The following GABPB1 variants were observed in gnomAD, a reference collection of about 807,000 sequenced individuals.
GABPB1 encodes GA binding protein transcription factor subunit beta 1.
A neutral mutation model predicts 45.9 loss-of-function variants in GABPB1; 15 were observed. The ratio of observed to expected loss-of-function variants is 0.33; its 90% CI spans 0.22 to 0.50. GABPB1 has a LOEUF of 0.50. Ranked by LOEUF, GABPB1 falls within the 20% of genes least tolerant of loss-of-function variation. GABPB1 has a pLI of 0.98. For missense variants in GABPB1, 252 were observed against 457.5 expected (o/e 0.55, Z 4.10); for synonymous variants, 143 against 154.4 (o/e 0.93, Z 0.55).
At position 50,337,475 on chromosome 15, in the gene GABPB1, T is replaced by C. The variant is rs2048191615; in HGVS notation, c.-1+17510A>G. Among the ~76,000 whole-genome samples the C allele has an allele frequency of 5.9e-5, 9 of 152,202 alleles. No individual in the cohort carries two copies. In the South Asian group the frequency reaches 1.9e-3, roughly 32 times the overall value. On this transcript the variant is annotated intron_variant, in intron 1 of 8. Transcript: ENST00000380877. ...AAAGTTTTGAATCTCAAGCAAAAAG[T>C]ACTGGCTGAGTGCAGTGGTTCACGC...
At chr15:50,340,642 CAGAA>C (rs2141155842) in intron 1 of GABPB1, among the ~76,000 whole-genome samples, 1 of 150,418 alleles carries the variant, frequency 6.6e-6, no homozygotes, top group East Asian at 2.0e-4. Context: ...TATTAGTTCA[CAGAA>C]AGAACTTCCT....
chr15:50,292,182 TG>T (rs1402939389), intron 6 of GABPB1, among the ~76,000 whole-genome samples: 1 of 150,494 alleles, frequency 6.6e-6, no homozygotes, highest in Non-Finnish European at 1.5e-5. Flanking sequence ...GGCGCGGTGG[TG>T]GGCGCCTCTA....
chr15:50,346,672 C>T (rs2048597982), intron 1 of GABPB1, among the ~76,000 whole-genome samples: 1 of 142,700 alleles, frequency 7.0e-6, no homozygotes, highest in Non-Finnish European at 1.5e-5. Flanking sequence ...GCCCAGGAGG[C>T]TGAGAAGTCC....
At chr15:50,282,184 A>G in intron 8 of GABPB1, 1 of 418,020 alleles carries the variant, frequency 2.4e-6, no homozygotes, top group Non-Finnish European at 4.7e-6. Context: ...TAGGCAACAC[A>G]GTGAGACCCT....
At chr15:50,294,347 C>A (rs2046443025) in intron 6 of GABPB1, among the ~76,000 whole-genome samples, 1 of 152,048 alleles carries the variant, frequency 6.6e-6, no homozygotes, top group Non-Finnish European at 1.5e-5. Flanking sequence ...AACCCCGTCT[C>A]TACTAAAAAT....
chr15:50,292,228 G>A (rs893349726), intron 6 of GABPB1, among the ~76,000 whole-genome samples: 2 of 149,024 alleles, frequency 1.3e-5, no homozygotes, highest in Non-Finnish European at 3.0e-5. Context: ...GCAGGAGAAC[G>A]GTGTGAACCC....
intron 6 of GABPB1, 51 bp downstream of exon 6, chr15:50,300,738 C>A: frequency 8.5e-7 from 1 of 1,170,752 alleles, no homozygotes; most frequent in South Asian, 1.2e-5. Flanking sequence ...AGCCACGGCA[C>A]CCAGCCTGAA....
intron 6 of GABPB1, among the ~76,000 whole-genome samples, chr15:50,299,646 G>C (rs1258582876): frequency 6.6e-6 from 1 of 152,050 alleles, no homozygotes. Context: ...TGATCCACCC[G>C]CCTCAGCCTC....
At chr15:50,331,470 T>C (rs1038343574) in intron 1 of GABPB1, among the ~76,000 whole-genome samples, 1 of 152,240 alleles carries the variant, frequency 6.6e-6, no homozygotes, top group Non-Finnish European at 1.5e-5. Context: ...GAACAGCATA[T>C]GTTAAGCGCC....
chr15:50,286,731 A>G (rs578230338), intron 7 of GABPB1, among the ~76,000 whole-genome samples: 7 of 152,246 alleles, frequency 4.6e-5, no homozygotes, highest in African/African-American at 1.7e-4. Context: ...TTCCATTATG[A>G]GCACTGATAG....
chr15:50,312,936 T>C (rs538268604), intron 1 of GABPB1, among the ~76,000 whole-genome samples: 70 of 152,242 alleles, frequency 4.6e-4, no homozygotes, highest in African/African-American at 1.6e-3. Context: ...ATAACAAGTA[T>C]TATAAATATC....
rs372225993 is a variant in GABPB1 at position 50,281,432 on chromosome 15, C to T, written c.1000-2648G>A. Among the ~76,000 whole-genome samples, 1,212 of 152,230 alleles carry T rather than the reference C, an allele frequency of 8.0e-3. 7 individuals are homozygous for T. Among genetic ancestry groups the T allele is most frequent in the East Asian group, 0.018 (95 of 5,176 alleles). ...TTCACCATGTTAGCCAGGATGGTCTCAATCTCCTGACCTCGTGATCTGCCC... is the reference window on the plus strand; with the variant it reads ...TTCACCATGTTAGCCAGGATGGTCTTAATCTCCTGACCTCGTGATCTGCCC... On this transcript the variant is annotated intron_variant, in intron 8 of 8. Transcript: ENST00000380877.
At chr15:50,354,364 T>C (rs2048996688) in intron 1 of GABPB1, 1 of 450,156 alleles carries the variant, frequency 2.2e-6, no homozygotes, top group Admixed American at 2.4e-5. Flanking sequence ...CGCGCGGGAC[T>C]GGCCAGGCTC....
intron 1 of GABPB1, among the ~76,000 whole-genome samples, chr15:50,320,788 G>A (rs2047541973): frequency 6.6e-6 from 1 of 152,174 alleles, no homozygotes; most frequent in East Asian, 1.9e-4. Context: ...CAGGGAGAAG[G>A]AAGCAGAGAT....
At chr15:50,306,331 C>T (rs565701035) in intron 2 of GABPB1, among the ~76,000 whole-genome samples, 1 of 152,240 alleles carries the variant, frequency 6.6e-6, no homozygotes, top group East Asian at 1.9e-4. Flanking sequence ...TAAAACACTG[C>T]CAGTAATTTA....
intron 7 of GABPB1, 80 bp from the exon 8 acceptor site, chr15:50,286,263 T>C (rs561280076): frequency 1.6e-5 from 15 of 944,420 alleles, no homozygotes; most frequent in Non-Finnish European, 2.2e-5. Context: ...ACATTGTTGA[T>C]GCTACTCATC....
chr15:50,344,102 A>T (rs1481209546), intron 1 of GABPB1, among the ~76,000 whole-genome samples: 1 of 152,228 alleles, frequency 6.6e-6, no homozygotes, highest in Non-Finnish European at 1.5e-5. Context: ...CGCAGGGCAA[A>T]CATCCCTGAG....
intron 1 of GABPB1, among the ~76,000 whole-genome samples, chr15:50,326,294 G>A (rs186209132): frequency 3.3e-4 from 50 of 152,244 alleles, no homozygotes; most frequent in African/African-American, 5.5e-4. Flanking sequence ...TGGGAAGATC[G>A]TTCAAGCCCA....
intron 6 of GABPB1, among the ~76,000 whole-genome samples, chr15:50,298,951 CAAA>C (rs775179968): frequency 6.5e-5 from 4 of 61,160 alleles, no homozygotes; most frequent in Non-Finnish European, 1.6e-4. Context: ...GACTCCATGT[CAAA>C]AAAAAAAAAA....
Sources: gnomAD v4.1 joint callset for allele counts (sites outside exome capture counted in the v4.1 genomes callset) on GRCh38, gnomAD v4.1.1 for gene constraint, MANE v1.5 for transcripts, NCBI Gene and HGNC (gene_info 2026-07-23, HGNC 2026-07-21) for gene names.